DCAF10: variants seen among roughly 807,000 people sequenced by gnomAD.
DCAF10 encodes the protein DDB1- and CUL4-associated factor 10.
Under a neutral mutation model 51.9 loss-of-function variants are expected in DCAF10, and 19 were observed. The ratio of observed to expected loss-of-function variants is 0.37; its 90% CI spans 0.26 to 0.54. The LOEUF is 0.54. DCAF10 is among the 20% of genes least tolerant of loss of function. The probability of loss-of-function intolerance (pLI) is 0.87; values close to 1 mark genes in which losing one functional copy is unlikely to be tolerated. For synonymous variants in DCAF10, 291 were observed against 297.1 expected, an observed-to-expected ratio of 0.98 and a Z score of 0.21; for missense variants, 510 against 730.6, an observed-to-expected ratio of 0.70 and a Z score of 3.48.
intron 2 of DCAF10, chr9:37,836,125 C>T: frequency 1.5e-6 from 2 of 1,341,446 alleles, no homozygotes; most frequent in Non-Finnish European, 2.1e-6. Flanking sequence ...GTACACGAAC[C>T]TCCAAGGAAA....
At chr9:37,808,644 A>ATATTC (rs1829214122) in intron 1 of DCAF10, among the ~76,000 whole-genome samples, 1 of 100,264 alleles carries the variant, frequency 1.0e-5, no homozygotes, top group South Asian at 2.6e-4. Flanking sequence ...ATATAAAAAT[A>ATATTC]TATAATATAA....
At chr9:37,857,164 G>A (rs578173450) in intron 4 of DCAF10, 77 bp from the exon 5 acceptor site, 4 of 1,140,994 alleles carry the variant, frequency 3.5e-6, no homozygotes, top group Admixed American at 2.4e-5. Flanking sequence ...ACTATGGTTC[G>A]AGTAGATAAT....
In DCAF10 at chr9:37,858,299, T is replaced by G. The variant is rs574003238; in HGVS notation, c.1165+948T>G. Among the ~76,000 whole-genome samples the G allele has an allele frequency of 1.7e-3, 258 of 152,346 alleles. 1 individual carries two copies. Among genetic ancestry groups the G allele is most frequent in the African/African-American group, 5.5e-3 (229 of 41,582 alleles). ...AGGTTAAAGGCTCCTCCTCTTAAAT[T>G]TAAAGATTTATGCCCAGAAGTATAA... On this transcript the variant is annotated intron_variant, in intron 5 of 6. Coordinates refer to ENST00000377724, the MANE Select transcript of DCAF10 (RefSeq NM_024345.5).
intron 2 of DCAF10, among the ~76,000 whole-genome samples, chr9:37,822,040 G>C (rs868034313): frequency 6.6e-6 from 1 of 152,042 alleles, no homozygotes; most frequent in Non-Finnish European, 1.5e-5. Context: ...TAATGATCAG[G>C]GAAATGCAAA....
intron 2 of DCAF10, among the ~76,000 whole-genome samples, chr9:37,834,790 C>G (rs190135265): frequency 7.5e-6 from 1 of 132,614 alleles, no homozygotes; most frequent in African/African-American, 3.1e-5. Flanking sequence ...TTCTCAATCA[C>G]GTACTTTTTT....
intron 2 of DCAF10, among the ~76,000 whole-genome samples, chr9:37,825,549 G>A (rs1310236793): frequency 6.6e-6 from 1 of 152,172 alleles, no homozygotes; most frequent in Non-Finnish European, 1.5e-5. Flanking sequence ...ATAGAGGGGA[G>A]CAACAGACGC....
intron 4 of DCAF10, among the ~76,000 whole-genome samples, chr9:37,857,036 A>G (rs1356130618): frequency 8.5e-5 from 13 of 152,204 alleles, no homozygotes; most frequent in Non-Finnish European, 1.3e-4. Context: ...TCACATAGTC[A>G]AGTCTTTGAT....
At chr9:37,859,632 C>T (rs1472360294) in intron 5 of DCAF10, among the ~76,000 whole-genome samples, 1 of 152,188 alleles carries the variant, frequency 6.6e-6, no homozygotes, top group Non-Finnish European at 1.5e-5. Flanking sequence ...GTATTTCCTT[C>T]TCTGGACCAG....
intron 1 of DCAF10, among the ~76,000 whole-genome samples, chr9:37,814,115 TATATATATATA>T (rs1257332483): frequency 3.2e-3 from 286 of 89,214 alleles, no homozygotes; most frequent in African/African-American, 0.011. Context: ...TATATATATA[TATATATATATA>T]TTTGTTGTTG....
At chr9:37,830,137 GATAA>G (rs757858975) in intron 2 of DCAF10, among the ~76,000 whole-genome samples, 3 of 152,152 alleles carry the variant, frequency 2.0e-5, no homozygotes, top group Non-Finnish European at 4.4e-5. Context: ...AATATTAATA[GATAA>G]ATAAATTCTG....
rs1355972970 is a variant in DCAF10, at chr9:37,860,091, T to C, written c.1209T>C (p.Val403=). The C allele has an allele frequency of 1.2e-6, 2 of 1,614,000 alleles. No homozygotes were observed. Among genetic ancestry groups the C allele is most frequent in the African/African-American group, 2.7e-5 (2 of 74,914 alleles). Residue 403 remains valine (V), a synonymous_variant, in exon 6 of 7, where the codon GTT becomes GTC. Coordinates refer to ENST00000377724, the MANE Select transcript of DCAF10 (RefSeq NM_024345.5). Reference sequence around the variant, plus strand: ...GTCTTGAAGTCGTAACCCCTGAAGTTCTTGGTGAGAGTGACCACGGAAACT... The same window carrying C: ...GTCTTGAAGTCGTAACCCCTGAAGTCCTTGGTGAGAGTGACCACGGAAACT... The part of the protein sequence containing the change: ...RNSLEVVTPE[V]LGESDHGNCI...
rs1372270894 is a variant in DCAF10, at chr9:37,862,233, C to T, written c.*725C>T. 6.6e-6 allele frequency: 1 copy of T among 152,596 alleles called. No individual in the cohort carries two copies. The highest frequency in any genetic ancestry group is 1.5e-5 in the Non-Finnish European group (1 of 68,016). 9.5% of individuals were successfully genotyped at this position (152,596 alleles called of 1,614,324 possible). A position where few individuals can be genotyped will look rare whatever the true frequency, so the allele number is the denominator to read the frequency against. On this transcript the variant is annotated 3_prime_UTR_variant, in exon 7 of 7. Coordinates refer to ENST00000377724, the MANE Select transcript of DCAF10 (RefSeq NM_024345.5). ...CTTTACTTGTATGAATTTAACATCT[C>T]TAGCATGTATCCTTACTTGATATTT...
chr9:37,838,855 G>A (rs1387845331), intron 2 of DCAF10, among the ~76,000 whole-genome samples: 4 of 150,422 alleles, frequency 2.7e-5, no homozygotes, highest in South Asian at 2.1e-4. Context: ...GGGATAAAGC[G>A]TGACTCTGTC....
chr9:37,814,064 T>C (rs1429095591), intron 1 of DCAF10, among the ~76,000 whole-genome samples: 1 of 125,724 alleles, frequency 8.0e-6, no homozygotes, highest in Non-Finnish European at 1.6e-5. Context: ...TTGAACCACT[T>C]TGAAACTATT....
intron 2 of DCAF10, among the ~76,000 whole-genome samples, chr9:37,826,238 G>C (rs148124554): frequency 1.7e-4 from 26 of 152,198 alleles, no homozygotes; most frequent in African/African-American, 5.8e-4. Context: ...ATGAGCAAAG[G>C]ATATGGACAA....
chr9:37,802,815 C>A (rs556268157), intron 1 of DCAF10, among the ~76,000 whole-genome samples: 7 of 152,280 alleles, frequency 4.6e-5, no homozygotes, highest in African/African-American at 1.4e-4. Context: ...ATTCATGGAA[C>A]CTCGCAGCCT....
intron 2 of DCAF10, among the ~76,000 whole-genome samples, chr9:37,834,108 T>C (rs1157799246): frequency 2.6e-5 from 4 of 152,254 alleles, no homozygotes; most frequent in Middle Eastern, 3.4e-3. Flanking sequence ...CCTGGCTAAT[T>C]TTCATATTTT....
intron 2 of DCAF10, among the ~76,000 whole-genome samples, chr9:37,823,886 T>TC (rs1323126809): frequency 6.8e-6 from 1 of 147,404 alleles, no homozygotes; most frequent in East Asian, 1.9e-4. Context: ...CTTTTTTTTT[T>TC]TTTTTTTTTT....
intron 3 of DCAF10, among the ~76,000 whole-genome samples, chr9:37,849,774 G>A (rs1182929972): frequency 3.9e-5 from 6 of 151,978 alleles, no homozygotes; most frequent in African/African-American, 1.5e-4. Flanking sequence ...CAGCTACTCA[G>A]GAGGCTGAGG....
Sources: allele counts gnomAD v4.1 joint callset (sites outside exome capture counted in the v4.1 genomes callset), GRCh38; gene constraint gnomAD v4.1.1; transcripts MANE v1.5; gene names NCBI Gene and HGNC (gene_info 2026-07-23, HGNC 2026-07-21).